MTFR1: variants seen among roughly 807,000 people sequenced by gnomAD.
MTFR1 encodes the protein chondrocyte protein with a poly-proline region.
Under a neutral mutation model 38.8 loss-of-function variants are expected in MTFR1, and 28 were observed. That is an observed-to-expected ratio of 0.72 (90% CI 0.53 to 0.99). MTFR1 has a LOEUF of 0.99. MTFR1 is among the 50% of genes least tolerant of loss of function. MTFR1 has a pLI of 0.00. For synonymous variants in MTFR1, 145 were observed against 137.0 expected (o/e 1.06, Z -0.41); for missense variants, 358 against 395.5 (o/e 0.91, Z 0.81).
chr8:65,650,475 C>G (rs1400168009), intron 1 of MTFR1, among the ~76,000 whole-genome samples: 1 of 152,062 alleles, frequency 6.6e-6, no homozygotes, highest in African/African-American at 2.4e-5. Flanking sequence ...CCTAGCCAAC[C>G]ATCCTTATAC....
downstream of MTFR1, among the ~76,000 whole-genome samples, chr8:65,773,688 G>A (rs1809176947): frequency 6.6e-6 from 1 of 151,886 alleles, no homozygotes; most frequent in South Asian, 2.1e-4. Context: ...TCCTTCTCTT[G>A]TCTTTTAGAT....
At chr8:65,710,660 A>AATT (rs1805918184), downstream of MTFR1, 1 of 152,056 alleles carries the variant, frequency 6.6e-6, no homozygotes, top group Admixed American at 6.6e-5. Context: ...TTTCAAGTGG[A>AATT]ATTATATTCC....
intron 3 of MTFR1, among the ~76,000 whole-genome samples, chr8:65,755,268 G>C (rs879789770): frequency 6.6e-6 from 1 of 152,014 alleles, no homozygotes; most frequent in African/African-American, 2.4e-5. Context: ...GGATCCACCC[G>C]CCTCAGCCTC....
chr8:65,665,696 C>T (rs1804361394), intron 1 of MTFR1, among the ~76,000 whole-genome samples: 1 of 152,190 alleles, frequency 6.6e-6, no homozygotes, highest in Non-Finnish European at 1.5e-5. Flanking sequence ...TGGGGTCTCG[C>T]TTTGTTGACT....
At chr8:65,676,587 C>T (rs913024146) in intron 2 of MTFR1, among the ~76,000 whole-genome samples, 1 of 152,188 alleles carries the variant, frequency 6.6e-6, no homozygotes, top group African/African-American at 2.4e-5. Context: ...TGGTCTCGAA[C>T]TCCTGACCTC....
intron 3 of MTFR1, among the ~76,000 whole-genome samples, chr8:65,753,625 T>C (rs771947512): frequency 1.3e-5 from 2 of 152,062 alleles, no homozygotes; most frequent in African/African-American, 2.4e-5. Flanking sequence ...TTGAGTACTC[T>C]GTGTCTGTTA....
intron 3 of MTFR1, chr8:65,724,709 A>G: frequency 2.2e-6 from 3 of 1,346,720 alleles, no homozygotes; most frequent in Non-Finnish European, 3.1e-6. Flanking sequence ...ACACTAGAAT[A>G]TTCATTTTTT....
chr8:65,762,991 ATGTGTGTGTGTGTGTGTGTG>A (rs34371328), intron 3 of MTFR1, among the ~76,000 whole-genome samples: 133 of 138,614 alleles, frequency 9.6e-4, no homozygotes, highest in African/African-American at 1.8e-3. Context: ...TATAAAAACA[ATGTGTGTGTGTGTGTGTGTG>A]TGTGTGTGTG....
intron 4 of MTFR1, among the ~76,000 whole-genome samples, chr8:65,699,653 C>T (rs556705145): frequency 6.6e-6 from 1 of 152,180 alleles, no homozygotes; most frequent in South Asian, 2.1e-4. Flanking sequence ...TGCAGTAGTT[C>T]TTGGAGCAAA....
At chr8:65,720,329 C>T (rs559418178) in intron 3 of MTFR1, 37 of 154,232 alleles carry the variant, frequency 2.4e-4, no homozygotes, top group Admixed American at 1.8e-3. Flanking sequence ...ATCTTTATCA[C>T]ATTTTGATCT....
chr8:65,669,751 A>T (rs1276351455), intron 1 of MTFR1, 122 bp from the exon 2 acceptor site: 2 of 523,198 alleles, frequency 3.8e-6, no homozygotes, highest in African/African-American at 2.0e-5. Context: ...GGGTTTCTCC[A>T]TGTTGGTCAG....
At chr8:65,776,977 T>C in the MTFR1 span, among the ~76,000 whole-genome samples, 1 of 152,168 alleles carries the variant, frequency 6.6e-6, no homozygotes, top group Non-Finnish European at 1.5e-5. Flanking sequence ...TGATGTTTGC[T>C]ATGGGTTTTG....
At chr8:65,646,168 A>G (rs1035271248) in intron 1 of MTFR1, among the ~76,000 whole-genome samples, 28 of 152,218 alleles carry the variant, frequency 1.8e-4, no homozygotes, top group African/African-American at 6.5e-4. Flanking sequence ...AGGACTGTGA[A>G]GTTGTTTCCA....
downstream of MTFR1, among the ~76,000 whole-genome samples, chr8:65,774,285 A>T (rs1341994822): frequency 6.6e-6 from 1 of 151,386 alleles, no homozygotes; most frequent in Non-Finnish European, 1.5e-5. Context: ...AATATTTTTA[A>T]AAGATTTTTT....
intron 2 of MTFR1, among the ~76,000 whole-genome samples, chr8:65,716,555 G>C (rs1806152270): frequency 6.6e-6 from 1 of 152,142 alleles, no homozygotes; most frequent in South Asian, 2.1e-4. Context: ...AAAGGGACAT[G>C]GGTGCACGAG....
chr8:65,706,304 G>A (rs1805778607), intron 5 of MTFR1, among the ~76,000 whole-genome samples: 1 of 152,082 alleles, frequency 6.6e-6, no homozygotes, highest in African/African-American at 2.4e-5. Context: ...TGAAACTTTT[G>A]AGTAAAAATC....
intron 3 of MTFR1, among the ~76,000 whole-genome samples, chr8:65,742,979 C>A (rs1585857073): frequency 6.6e-6 from 1 of 152,342 alleles, no homozygotes; most frequent in Non-Finnish European, 1.5e-5. Context: ...TCTGCCCATC[C>A]AGTGCACTGC....
chr8:65,738,191 TA>T (rs1807237211), intron 3 of MTFR1, among the ~76,000 whole-genome samples: 1 of 152,262 alleles, frequency 6.6e-6, no homozygotes. Flanking sequence ...TAAAAGACTT[TA>T]TTGCTATAAA....
At chr8:65,707,323 T>G in intron 6 of MTFR1, 67 bp downstream of exon 6, 2 of 1,507,550 alleles carry the variant, frequency 1.3e-6, no homozygotes, top group Non-Finnish European at 1.8e-6. Flanking sequence ...ACCAGGCTTC[T>G]TGAGGAATTT....
Sources: allele counts gnomAD v4.1 joint callset (sites outside exome capture counted in the v4.1 genomes callset), GRCh38; gene constraint gnomAD v4.1.1; transcripts MANE v1.5; gene names NCBI Gene and HGNC (gene_info 2026-07-23, HGNC 2026-07-21).